TMTC1: variants seen among roughly 807,000 people sequenced by gnomAD.
The protein encoded by TMTC1 is protein O-mannosyl-transferase TMTC1.
A neutral mutation model predicts 104.8 loss-of-function variants in TMTC1; 73 were observed. That is an observed-to-expected ratio of 0.70 (90% CI 0.58 to 0.85). The LOEUF is 0.85. Among genes scored for constraint, TMTC1 ranks in the 40% least tolerant of loss-of-function variants. The pLI, the probability that TMTC1 is intolerant of heterozygous loss-of-function variation, is 0.00. For missense variants in TMTC1, 1,035 were observed against 1,096.1 expected (o/e 0.94, Z 0.79); for synonymous variants, 434 against 428.7 (o/e 1.01, Z -0.15).
chr12:29,689,740 AATG>A (rs758323552), intron 5 of TMTC1, among the ~76,000 whole-genome samples: 2 of 152,182 alleles, frequency 1.3e-5, no homozygotes, highest in Non-Finnish European at 2.9e-5. Context: ...TGTCATAATA[AATG>A]AATGAGTAAA....
intron 5 of TMTC1, among the ~76,000 whole-genome samples, chr12:29,653,285 A>G (rs1199473648): frequency 6.6e-6 from 1 of 152,102 alleles, no homozygotes; most frequent in Non-Finnish European, 1.5e-5. Flanking sequence ...TCAGGAACAC[A>G]GGCCAGAAAC....
At chr12:29,623,373 A>T (rs1937779054) in intron 6 of TMTC1, among the ~76,000 whole-genome samples, 1 of 152,258 alleles carries the variant, frequency 6.6e-6, no homozygotes, top group Non-Finnish European at 1.5e-5. Context: ...CAAATGCATT[A>T]GGAAAGAGTA....
intron 6 of TMTC1, among the ~76,000 whole-genome samples, chr12:29,627,188 A>T (rs1366006411): frequency 1.3e-5 from 2 of 152,256 alleles, no homozygotes; most frequent in African/African-American, 4.8e-5. Flanking sequence ...GGAATGAGAG[A>T]CAGTATTTGC....
intron 15 of TMTC1, among the ~76,000 whole-genome samples, chr12:29,514,957 G>T (rs545321514): frequency 6.6e-6 from 1 of 152,230 alleles, no homozygotes; most frequent in Non-Finnish European, 1.5e-5. Context: ...GGACCTTGTA[G>T]TGAGGTGAGA....
intron 1 of TMTC1, among the ~76,000 whole-genome samples, chr12:29,770,836 A>G (rs1215860070): frequency 1.3e-5 from 2 of 152,198 alleles, no homozygotes; most frequent in Non-Finnish European, 2.9e-5. Context: ...GTGTGATCAC[A>G]GAGAAAAGAA....
intron 17 of TMTC1, among the ~76,000 whole-genome samples, chr12:29,509,357 A>T (rs775963226): frequency 9.2e-5 from 14 of 152,242 alleles, no homozygotes; most frequent in Non-Finnish European, 1.6e-4. Context: ...CATGAGCAAG[A>T]GACAACTATG....
intron 15 of TMTC1, among the ~76,000 whole-genome samples, chr12:29,514,909 G>A (rs776010631): frequency 5.3e-5 from 8 of 152,096 alleles, no homozygotes; most frequent in African/African-American, 1.9e-4. Context: ...GGCTACTGGG[G>A]GGGCTGAGAT....
At position 29,506,875 on chromosome 12, in the gene TMTC1, G is replaced by A; in HGVS notation, c.2620C>T (p.Gln874Ter). 6.2e-7 allele frequency: 1 copy of A among 1,614,124 alleles called. No individual in the cohort carries two copies. The highest frequency in any genetic ancestry group is 8.5e-7 in the Non-Finnish European group (1 of 1,179,974). The part of the protein sequence containing the change: ...AKLDRLEKRL[Q>*]EVREKDQT ...GTTTGATCCTTTTCTCGAACTTCTT[G>A]TAATCGTTTTTCTAGGCGATCCAAT... is the stretch of plus-strand genomic sequence containing the variant. Residue 874 changes from glutamine to a stop codon, truncating the protein, a stop_gained, in exon 18 of 18, where the codon CAA (glutamine) becomes TAA (stop). Transcript: ENST00000539277. LOFTEE classifies it high-confidence loss of function.
At chr12:29,540,846 T>C (rs1362124264) in intron 10 of TMTC1, among the ~76,000 whole-genome samples, 1 of 151,896 alleles carries the variant, frequency 6.6e-6, no homozygotes, top group East Asian at 1.9e-4. Context: ...AATACAAAAA[T>C]TAGCCAGGCA....
At chr12:29,546,775 G>A (rs1944953820) in intron 10 of TMTC1, among the ~76,000 whole-genome samples, 2 of 151,978 alleles carry the variant, frequency 1.3e-5, no homozygotes, top group South Asian at 2.1e-4. Context: ...CCAGCTACTC[G>A]GGAGGCTGAG....
chr12:29,582,617 C>G (rs1406980581), intron 8 of TMTC1, among the ~76,000 whole-genome samples: 1 of 152,302 alleles, frequency 6.6e-6, no homozygotes, highest in East Asian at 1.9e-4. Flanking sequence ...TCCCTTAATT[C>G]TGTATGCCTT....
intron 5 of TMTC1, among the ~76,000 whole-genome samples, chr12:29,635,657 C>T (rs975439361): frequency 6.6e-6 from 1 of 152,132 alleles, no homozygotes; most frequent in Admixed American, 6.6e-5. Flanking sequence ...GAAATAAACA[C>T]CATGCCTATG....
At chr12:29,560,476 G>C (rs1191136734) in intron 9 of TMTC1, among the ~76,000 whole-genome samples, 1 of 151,912 alleles carries the variant, frequency 6.6e-6, no homozygotes, top group Admixed American at 6.6e-5. Context: ...GAAATGTATG[G>C]GGCCGGGTGA....
chr12:29,707,983 G>A (rs937832047), intron 5 of TMTC1, among the ~76,000 whole-genome samples: 1 of 152,196 alleles, frequency 6.6e-6, no homozygotes, highest in Admixed American at 6.5e-5. Flanking sequence ...TGGAAGACAT[G>A]TAGTGAACCC....
chr12:29,763,569 G>A (rs1943399283), intron 2 of TMTC1, among the ~76,000 whole-genome samples: 1 of 152,170 alleles, frequency 6.6e-6, no homozygotes, highest in Admixed American at 6.5e-5. Context: ...AACATCTGGT[G>A]GGGAGTCAAA....
chr12:29,569,374 T>A (rs1945605431), intron 9 of TMTC1, among the ~76,000 whole-genome samples: 1 of 152,226 alleles, frequency 6.6e-6, no homozygotes, highest in Non-Finnish European at 1.5e-5. Context: ...ATCTATTCAG[T>A]CATTACAACA....
intron 5 of TMTC1, among the ~76,000 whole-genome samples, chr12:29,644,407 G>A (rs1369698076): frequency 6.6e-6 from 1 of 151,620 alleles, no homozygotes; most frequent in Middle Eastern, 3.2e-3. Context: ...CAAATATGGT[G>A]CAGTGTATAC....
At chr12:29,539,843 C>T (rs998288005) in intron 10 of TMTC1, among the ~76,000 whole-genome samples, 5 of 152,154 alleles carry the variant, frequency 3.3e-5, no homozygotes, top group African/African-American at 1.2e-4. Context: ...ATTTGCCCTG[C>T]TCCTAAGCAA....
At chr12:29,524,052 T>A (rs2136168735) in intron 11 of TMTC1, among the ~76,000 whole-genome samples, 1 of 152,338 alleles carries the variant, frequency 6.6e-6, no homozygotes, top group African/African-American at 2.4e-5. Context: ...TCTCAGTACA[T>A]CATTTATTGG....
Sources: gnomAD v4.1 joint callset for allele counts (sites outside exome capture counted in the v4.1 genomes callset) on GRCh38, gnomAD v4.1.1 for gene constraint, MANE v1.5 for transcripts, NCBI Gene and HGNC (gene_info 2026-07-23, HGNC 2026-07-21) for gene names.